The following EIF2AK2 variants were observed in gnomAD, a reference collection of about 807,000 sequenced individuals.
EIF2AK2 encodes the protein eukaryotic translation initiation factor 2 alpha kinase 2.
A neutral mutation model predicts 70.5 loss-of-function variants in EIF2AK2; 40 were observed. The observed-to-expected ratio is 0.57, with a 90% CI of 0.44 to 0.74. The LOEUF is 0.74. Among genes scored for constraint, EIF2AK2 ranks in the 30% least tolerant of loss-of-function variants. The pLI, the probability that EIF2AK2 is intolerant of heterozygous loss-of-function variation, is 0.00. For missense variants in EIF2AK2, 555 were observed against 644.3 expected (o/e 0.86, Z 1.50); for synonymous variants, 198 against 220.9 (o/e 0.90, Z 0.92).
At position 37,100,613 on chromosome 2, in the gene EIF2AK2, A is replaced by G. The variant is rs576722741; in HGVS notation, c.*6660T>C. 6.6e-6 allele frequency: 1 copy of G among 152,346 alleles called. No individual in the cohort carries two copies. The highest frequency in any genetic ancestry group is 6.5e-5 in the Admixed American group (1 of 15,300). The allele number at this position is 152,346 out of a possible 1,614,324, so 9.4% of individuals were successfully genotyped here. ...TATTTTTAAGAAATGTAAGATTTGG[A>G]TAAGTCATAATCACAGATCAGAAAC... On this transcript the variant is annotated 3_prime_UTR_variant, in exon 17 of 17. Transcript: ENST00000233057.
chr2:37,131,657 G>A (rs1013657917), intron 10 of EIF2AK2, among the ~76,000 whole-genome samples: 3 of 152,032 alleles, frequency 2.0e-5, no homozygotes, highest in African/African-American at 7.2e-5. Flanking sequence ...CTCTTGCCGT[G>A]TTTTACCACC....
chr2:37,117,970 T>G (rs1333546485), intron 13 of EIF2AK2, among the ~76,000 whole-genome samples: 1 of 152,092 alleles, frequency 6.6e-6, no homozygotes, highest in Non-Finnish European at 1.5e-5. Flanking sequence ...ACAACTGTAG[T>G]AGTGAGAGCC....
chr2:37,119,067 G>C (rs1674442712), intron 13 of EIF2AK2, among the ~76,000 whole-genome samples: 1 of 152,096 alleles, frequency 6.6e-6, no homozygotes, highest in African/African-American at 2.4e-5. Context: ...GATTCAGGAC[G>C]GCCAGCTTGT....
rs1675566968 is a variant in EIF2AK2 at position 37,146,989 on chromosome 2, A to T, written c.120-16T>A. ...AAATGTAAACCTGATTACAAAGAGA[A>T]TATTCATAAAATATTATACAACTCA... On this transcript the variant is annotated splice_polypyrimidine_tract_variant and intron_variant, in intron 3 of 16. Coordinates refer to ENST00000233057, the MANE Select transcript of EIF2AK2 (RefSeq NM_001135651.3). 2 of 1,601,702 alleles carry T rather than the reference A, an allele frequency of 1.2e-6. No homozygotes were observed. Among genetic ancestry groups the T allele is most frequent in the Non-Finnish European group, 1.7e-6 (2 of 1,174,128 alleles).
In EIF2AK2 at chr2:37,145,222, A is replaced by T. The variant is rs1324549047; in HGVS notation, c.240+1631T>A. On this transcript the variant is annotated intron_variant, in intron 4 of 16. Coordinates refer to ENST00000233057, the MANE Select transcript of EIF2AK2 (RefSeq NM_001135651.3). ...TAGTGGCACGATCTCGGCTCACTGCAACCTCCGCTTCCTGAGTTCAAGCAA... is the reference window on the plus strand; with the variant it reads ...TAGTGGCACGATCTCGGCTCACTGCTACCTCCGCTTCCTGAGTTCAAGCAA... 4.1e-5 allele frequency among the ~76,000 whole-genome samples: 6 copies of T among 145,324 alleles called. No homozygotes were observed. The East Asian group carries it at 1.3e-3, about 30-fold the overall frequency.
At chr2:37,123,129 C>T (rs1469600516) in intron 11 of EIF2AK2, among the ~76,000 whole-genome samples, 1 of 151,856 alleles carries the variant, frequency 6.6e-6, no homozygotes, top group Non-Finnish European at 1.5e-5. Context: ...GATTGCACCA[C>T]TGCACTCCAG....
intron 4 of EIF2AK2, among the ~76,000 whole-genome samples, chr2:37,144,739 C>T (rs1675467014): frequency 6.6e-6 from 1 of 152,018 alleles, no homozygotes; most frequent in Admixed American, 6.6e-5. Flanking sequence ...TGCCACCAAG[C>T]CCGGCTAATG....
intron 9 of EIF2AK2, 24 bp downstream of exon 9, chr2:37,136,959 T>C: frequency 6.3e-7 from 1 of 1,589,450 alleles, no homozygotes; most frequent in Non-Finnish European, 8.5e-7. Context: ...GATCAAAATA[T>C]GTTCAATGCA....
At chr2:37,151,893 C>T (rs1472794198) in intron 1 of EIF2AK2, among the ~76,000 whole-genome samples, 1 of 152,216 alleles carries the variant, frequency 6.6e-6, no homozygotes, top group Non-Finnish European at 1.5e-5. Context: ...GGTGAAACCT[C>T]GTCTCCACTA....
chr2:37,149,771 C>T (rs976994094), intron 1 of EIF2AK2, among the ~76,000 whole-genome samples: 1 of 152,190 alleles, frequency 6.6e-6, no homozygotes, highest in African/African-American at 2.4e-5. Flanking sequence ...AGATATGCTT[C>T]ATGATCAGTG....
intron 4 of EIF2AK2, among the ~76,000 whole-genome samples, chr2:37,142,803 A>G (rs955356562): frequency 6.6e-5 from 10 of 152,172 alleles, no homozygotes; most frequent in Middle Eastern, 3.2e-3. Context: ...TTGCTACACT[A>G]TCTCCTGGTT....
chr2:37,156,961 G>C lies in EIF2AK2; in HGVS notation c.-237C>G, dbSNP rs1257748722. On this transcript the variant is annotated 5_prime_UTR_variant, in exon 1 of 17. Transcript: ENST00000233057. ...GCCGGCCGGAGACCCGCGGCTTCGGGAGAGCTGGTTCTCAGTTTCGTTTTC... is the reference window on the plus strand; with the variant it reads ...GCCGGCCGGAGACCCGCGGCTTCGGCAGAGCTGGTTCTCAGTTTCGTTTTC... 2.1e-5 allele frequency: 4 copies of C among 186,204 alleles called. No individual in the cohort carries two copies. In the East Asian group the frequency reaches 4.9e-4, roughly 23 times the overall value. The allele number at this position is 186,204 out of a possible 1,614,324, so 11.5% of individuals were successfully genotyped here.
intron 4 of EIF2AK2, 50 bp downstream of exon 4, chr2:37,146,802 GA>G (rs1675558475): frequency 1.9e-6 from 3 of 1,593,022 alleles, no homozygotes; most frequent in Admixed American, 3.5e-5. Flanking sequence ...GAGAGAAACA[GA>G]AAATGTATTT....
rs182267834 is a variant in EIF2AK2, at chr2:37,118,319, A to T, written c.1248+1640T>A. 1.6e-3 allele frequency among the ~76,000 whole-genome samples: 243 copies of T among 152,270 alleles called. 2 individuals are homozygous for T. The highest frequency in any genetic ancestry group is 5.6e-3 in the African/African-American group (231 of 41,560). Reference sequence around the variant, plus strand: ...AAAGAGCAAGACCTTGTCTCAAAAAAAAATAAAAATTAAAAATTTAAGAAG... The same window carrying T: ...AAAGAGCAAGACCTTGTCTCAAAAATAAATAAAAATTAAAAATTTAAGAAG... On this transcript the variant is annotated intron_variant, in intron 13 of 16. Transcript: ENST00000233057.
intron 10 of EIF2AK2, among the ~76,000 whole-genome samples, chr2:37,133,497 G>A (rs939081889): frequency 6.6e-6 from 1 of 152,054 alleles, no homozygotes; most frequent in Non-Finnish European, 1.5e-5. Flanking sequence ...ACACCAAAAT[G>A]GAAGGGGCCT....
chr2:37,153,337 CTT>C lies in EIF2AK2; in HGVS notation c.-184+3569_-184+3570del, dbSNP rs1553340565. Among the ~76,000 whole-genome samples the C allele has an allele frequency of 2.5e-4, 27 of 109,880 alleles. 2 individuals are homozygous for C. In the East Asian group the frequency reaches 3.3e-3, roughly 13 times the overall value. The allele number at this position is 109,880 out of a possible 152,430, so 72.1% of individuals were successfully genotyped here. On this transcript the variant is annotated intron_variant, in intron 1 of 16. Coordinates refer to ENST00000233057, the MANE Select transcript of EIF2AK2 (RefSeq NM_001135651.3). ...CCCAGTCCTTTCAGTCTCTGCTAAT[CTT>C]TTTTTTTTTTTTTTTTTTTGAGACA... is the stretch of plus-strand genomic sequence containing the variant.
intron 6 of EIF2AK2, among the ~76,000 whole-genome samples, 191 bp downstream of exon 6, chr2:37,139,440 T>C (rs956655090): frequency 6.6e-6 from 1 of 152,174 alleles, no homozygotes; most frequent in Non-Finnish European, 1.5e-5. Flanking sequence ...TACCCTGAGT[T>C]GCCACCAGAA....
intron 4 of EIF2AK2, among the ~76,000 whole-genome samples, chr2:37,143,296 A>C (rs1675405163): frequency 6.6e-6 from 1 of 150,786 alleles, no homozygotes; most frequent in Non-Finnish European, 1.5e-5. Flanking sequence ...AAGTTGTTTT[A>C]ATCTGCAGTC....
At chr2:37,121,819 G>A (rs920387597) in intron 12 of EIF2AK2, among the ~76,000 whole-genome samples, 1 of 152,090 alleles carries the variant, frequency 6.6e-6, no homozygotes, top group Admixed American at 6.6e-5. Flanking sequence ...ACACGACATG[G>A]AGATGGAGGT....
Sources: gnomAD v4.1 joint callset for allele counts (sites outside exome capture counted in the v4.1 genomes callset) on GRCh38, gnomAD v4.1.1 for gene constraint, MANE v1.5 for transcripts, NCBI Gene and HGNC (gene_info 2026-07-23, HGNC 2026-07-21) for gene names.